CSMD1: variants seen among roughly 807,000 people sequenced by gnomAD.
The protein encoded by CSMD1 is CUB and sushi domain-containing protein 1.
Under a neutral mutation model 417.5 loss-of-function variants are expected in CSMD1, and 213 were observed. That is an observed-to-expected ratio of 0.51 (90% CI 0.46 to 0.57). The LOEUF is 0.57. Ranked by LOEUF, CSMD1 falls within the 20% of genes least tolerant of loss-of-function variation. The pLI, the probability that CSMD1 is intolerant of heterozygous loss-of-function variation, is 0.00. For missense variants in CSMD1, 6,923 were observed against 4,529.7 expected (o/e 1.53, Z -15.17); for synonymous variants, 2,862 against 1,736.8 (o/e 1.65, Z -16.11).
intron 5 of CSMD1, among the ~76,000 whole-genome samples, chr8:3,875,113 G>A (rs573169438): frequency 1.4e-5 from 2 of 142,578 alleles, no homozygotes; most frequent in East Asian, 4.4e-4. Flanking sequence ...GGGGCTTCAG[G>A]AACACATTGT....
At chr8:4,458,617 C>G (rs1009875273) in intron 2 of CSMD1, among the ~76,000 whole-genome samples, 1 of 152,130 alleles carries the variant, frequency 6.6e-6, no homozygotes, top group Non-Finnish European at 1.5e-5. Context: ...ATCACCCACA[C>G]CTCAGCAGCA....
intron 7 of CSMD1, among the ~76,000 whole-genome samples, chr8:3,653,302 TG>T (rs1363494135): frequency 6.6e-6 from 1 of 152,094 alleles, no homozygotes; most frequent in African/African-American, 2.4e-5. Context: ...ACTAAAGTTA[TG>T]GGGGTTCTTT....
At chr8:4,733,179 A>C (rs1298692122) in intron 1 of CSMD1, among the ~76,000 whole-genome samples, 1 of 152,224 alleles carries the variant, frequency 6.6e-6, no homozygotes, top group African/African-American at 2.4e-5. Flanking sequence ...AGTACTGAAA[A>C]AAGCGAAACC....
chr8:4,904,461 TTCAAAG>T (rs1279937085), intron 1 of CSMD1, among the ~76,000 whole-genome samples: 1 of 152,130 alleles, frequency 6.6e-6, no homozygotes, highest in Non-Finnish European at 1.5e-5. Context: ...AAGAGACATG[TTCAAAG>T]TCAAACAGCT....
intron 2 of CSMD1, among the ~76,000 whole-genome samples, chr8:4,607,961 C>G (rs540067320): frequency 8.1e-4 from 123 of 152,260 alleles, no homozygotes; most frequent in Non-Finnish European, 1.2e-3. Context: ...CTTTCCCCAG[C>G]CCACCTGTAT....
At chr8:4,326,649 C>G (rs1416452207) in intron 3 of CSMD1, among the ~76,000 whole-genome samples, 1 of 152,042 alleles carries the variant, frequency 6.6e-6, no homozygotes, top group East Asian at 1.9e-4. Flanking sequence ...AGCATCTACC[C>G]AACGTTTCCT....
intron 5 of CSMD1, among the ~76,000 whole-genome samples, chr8:3,938,098 T>G (rs2627531): frequency 0.39 from 59,792 of 151,904 alleles, 11,904 homozygotes; most frequent in East Asian, 0.48. Flanking sequence ...GTAGAAATTT[T>G]GAAAGTGTGA....
At chr8:4,915,933 T>G (rs1806037991) in intron 1 of CSMD1, among the ~76,000 whole-genome samples, 1 of 152,200 alleles carries the variant, frequency 6.6e-6, no homozygotes, top group African/African-American at 2.4e-5. Context: ...GGTATAAAAC[T>G]GCAAGTGGCA....
At chr8:3,555,985 C>T (rs890912944) in intron 10 of CSMD1, among the ~76,000 whole-genome samples, 1 of 152,108 alleles carries the variant, frequency 6.6e-6, no homozygotes, top group African/African-American at 2.4e-5. Flanking sequence ...ACTATTAAAA[C>T]TGGTGATTTC....
chr8:3,705,634 C>G (rs1050750670), intron 7 of CSMD1, among the ~76,000 whole-genome samples: 1 of 152,258 alleles, frequency 6.6e-6, no homozygotes, highest in African/African-American at 2.4e-5. Flanking sequence ...CAAGAGCTAA[C>G]AGTGCCTGCA....
chr8:4,256,646 C>G (rs765709608), intron 3 of CSMD1, among the ~76,000 whole-genome samples: 2 of 152,118 alleles, frequency 1.3e-5, no homozygotes, highest in Admixed American at 6.5e-5. Context: ...GGGGGCGCCC[C>G]AAGTCACAGA....
intron 5 of CSMD1, among the ~76,000 whole-genome samples, chr8:3,945,339 A>G (rs1335162009): frequency 2.0e-5 from 3 of 152,164 alleles, no homozygotes; most frequent in Admixed American, 6.6e-5. Flanking sequence ...TACTATGGAC[A>G]TAATGATGTC....
chr8:3,635,999 CACAA>C (rs752498424), intron 7 of CSMD1, among the ~76,000 whole-genome samples: 2 of 152,078 alleles, frequency 1.3e-5, no homozygotes, highest in Non-Finnish European at 2.9e-5. Flanking sequence ...TAGCTTGAAA[CACAA>C]ACACATTGAA....
intron 5 of CSMD1, among the ~76,000 whole-genome samples, chr8:3,771,749 G>A (rs889464765): frequency 6.6e-6 from 1 of 152,150 alleles, no homozygotes; most frequent in African/African-American, 2.4e-5. Flanking sequence ...GACTGTGTGT[G>A]TTCAAATGAC....
At chr8:3,686,559 G>A (rs954800231) in intron 7 of CSMD1, among the ~76,000 whole-genome samples, 3 of 152,126 alleles carry the variant, frequency 2.0e-5, no homozygotes, top group African/African-American at 4.8e-5. Flanking sequence ...ATTCCCATAC[G>A]AAATATACTG....
At chr8:3,792,994 C>A (rs564103522) in intron 5 of CSMD1, among the ~76,000 whole-genome samples, 2 of 152,266 alleles carry the variant, frequency 1.3e-5, no homozygotes, top group African/African-American at 4.8e-5. Flanking sequence ...CACTCTACCA[C>A]AGGTGTGAAT....
At position 3,189,004 on chromosome 8, in the gene CSMD1, G is replaced by A. The variant is rs751445479; in HGVS notation, c.5406C>T (p.Cys1802=). 47 of 1,612,342 alleles carry A rather than the reference G, an allele frequency of 2.9e-5. No homozygotes were observed. Among genetic ancestry groups the A allele is most frequent in the South Asian group, 4.4e-5 (4 of 90,810 alleles). Residue 1802 remains cysteine (C), a synonymous_variant, in exon 35 of 70, where the codon TGC becomes TGT. Coordinates refer to ENST00000635120, the MANE Select transcript of CSMD1 (RefSeq NM_033225.6). ...CTCTTCGTTGAGTGAAATTGCCACTGCAGGGTACTAAAAGACACAACCATA... is the reference window on the plus strand; with the variant it reads ...CTCTTCGTTGAGTGAAATTGCCACTACAGGGTACTAAAAGACACAACCATA... ...NDTIPSCVVP[C]SGNFTQRRGT... is the part of the protein sequence containing the mutation.
At chr8:4,009,009 C>A (rs950064164) in intron 4 of CSMD1, among the ~76,000 whole-genome samples, 1 of 152,084 alleles carries the variant, frequency 6.6e-6, no homozygotes, top group Non-Finnish European at 1.5e-5. Context: ...TGTGCCCATA[C>A]CGAATTTCCA....
chr8:3,997,864 A>C (rs761330679), intron 5 of CSMD1, 39 bp downstream of exon 5: 1 of 1,559,624 alleles, frequency 6.4e-7, no homozygotes, highest in South Asian at 1.2e-5. Context: ...CGGGGAAAAC[A>C]CACCTGTATC....
Sources: gnomAD v4.1 joint callset for allele counts (sites outside exome capture counted in the v4.1 genomes callset) on GRCh38, gnomAD v4.1.1 for gene constraint, MANE v1.5 for transcripts, NCBI Gene and HGNC (gene_info 2026-07-23, HGNC 2026-07-21) for gene names.